Variants in MGMT observed in about 807,000 individuals in gnomAD.
The protein encoded by MGMT is methylated-DNA--protein-cysteine methyltransferase.
Under a neutral mutation model 15.9 loss-of-function variants are expected in MGMT, and 14 were observed. The observed-to-expected ratio is 0.88, with a 90% CI of 0.58 to 1.37. The LOEUF is 1.37. MGMT is among the 40% of genes most tolerant of loss of function. The pLI, the probability that MGMT is intolerant of heterozygous loss-of-function variation, is 0.00. For missense variants in MGMT, 282 were observed against 268.1 expected (o/e 1.05, Z -0.36); for synonymous variants, 130 against 118.2 (o/e 1.10, Z -0.65).
chr10:129,533,582 C>T lies in MGMT; in HGVS notation c.-12-2659C>T, dbSNP rs1269514263. Among the ~76,000 whole-genome samples the T allele has an allele frequency of 2.6e-5, 4 of 152,326 alleles. No homozygotes were observed. The South Asian group carries it at 6.2e-4, about 24-fold the overall frequency. On this transcript the variant is annotated intron_variant, in intron 1 of 4. Transcript: ENST00000651593. The surrounding 1 kb of genome is among the most constrained non-coding windows in gnomAD (Gnocchi z 4.5). ...GGCGAGAGAGCATCCAGATTTCTCA[C>T]GTTGCCTCTAGAGCCCTGTTGTCTG...
intron 3 of MGMT, among the ~76,000 whole-genome samples, chr10:129,713,910 A>G (rs1429211472): frequency 6.6e-6 from 1 of 152,156 alleles, no homozygotes; most frequent in Non-Finnish European, 1.5e-5. Context: ...CCTGACTTTC[A>G]TGGGAAGTCC....
intron 2 of MGMT, among the ~76,000 whole-genome samples, chr10:129,616,532 C>T (rs989466630): frequency 2.0e-5 from 3 of 152,162 alleles, no homozygotes; most frequent in South Asian, 2.1e-4. Context: ...CCAGGCCCCC[C>T]ATTGGCCGGC....
rs1247991551 is a variant in MGMT at position 129,546,455 on chromosome 10, G to A, written c.125+10078G>A. Among the ~76,000 whole-genome samples the A allele has an allele frequency of 2.0e-5, 3 of 152,210 alleles. No individual in the cohort carries two copies. The East Asian group carries it at 5.8e-4, about 29-fold the overall frequency. ...CAGAAGGAGGCAGTTAAGAGGCTGC[G>A]AGCCCCCTCTTGGGCATCTGACGGG... On this transcript the variant is annotated intron_variant, in intron 2 of 4. Transcript: ENST00000651593.
At chr10:129,657,411 G>C (rs549527601) in intron 2 of MGMT, among the ~76,000 whole-genome samples, 31 of 151,616 alleles carry the variant, frequency 2.0e-4, no homozygotes, top group Non-Finnish European at 3.8e-4. Context: ...GTGGGGGTGG[G>C]GGGGGGAGCA....
At chr10:129,536,163 C>T in intron 1 of MGMT, 78 bp from the exon 2 acceptor site, 2 of 1,464,782 alleles carry the variant, frequency 1.4e-6, no homozygotes, top group South Asian at 1.2e-5. Flanking sequence ...TCTTAAATAA[C>T]CAGTACTTCT....
intron 1 of MGMT, among the ~76,000 whole-genome samples, chr10:129,493,683 CTG>C (rs942718732): frequency 3.5e-4 from 54 of 152,318 alleles, no homozygotes; most frequent in African/African-American, 1.3e-3. Flanking sequence ...AGAGGGGTCA[CTG>C]TGCGCCAGGC....
chr10:129,551,971 G>A (rs1030578897), intron 2 of MGMT, among the ~76,000 whole-genome samples: 3 of 152,194 alleles, frequency 2.0e-5, no homozygotes, highest in Admixed American at 6.5e-5. Flanking sequence ...CAGGCTTGCC[G>A]GAAGTGGGGC....
intron 2 of MGMT, among the ~76,000 whole-genome samples, chr10:129,661,969 C>T (rs1340922834): frequency 6.6e-6 from 1 of 152,160 alleles, no homozygotes; most frequent in Non-Finnish European, 1.5e-5. Flanking sequence ...CTTATTCTGA[C>T]CTTTCCTGTG....
Position 129,494,848 on chromosome 10 carries a change from C to T in MGMT, c.-13+27552C>T, listed in dbSNP as rs572699244. On this transcript the variant is annotated intron_variant, in intron 1 of 4. Coordinates refer to ENST00000651593, the MANE Select transcript of MGMT (RefSeq NM_002412.5). ...TTTATTTGTTCCTTTATTTTTACCA[C>T]GACTGCTCTGAGTACCAGGAACTCC... 6.6e-5 allele frequency among the ~76,000 whole-genome samples: 10 copies of T among 152,260 alleles called. No homozygotes were observed. In the East Asian group the frequency reaches 7.7e-4, roughly 12 times the overall value.
chr10:129,563,971 T>C (rs1846310365), intron 2 of MGMT: 1 of 152,332 alleles, frequency 6.6e-6, no homozygotes, highest in South Asian at 2.1e-4. Flanking sequence ...TTTGGCCTTG[T>C]GTGTTTGGAA....
intron 2 of MGMT, among the ~76,000 whole-genome samples, chr10:129,545,549 G>A (rs1433923195): frequency 3.9e-5 from 6 of 152,192 alleles, no homozygotes; most frequent in Non-Finnish European, 8.8e-5. Context: ...AAAAAGCTGA[G>A]ATGAAACAAA....
At chr10:129,657,601 G>C (rs1413207610) in intron 2 of MGMT, among the ~76,000 whole-genome samples, 2 of 150,770 alleles carry the variant, frequency 1.3e-5, no homozygotes, top group East Asian at 4.0e-4. Flanking sequence ...TGTGGTGACT[G>C]CTGAAGAAAT....
intron 2 of MGMT, among the ~76,000 whole-genome samples, chr10:129,666,335 A>T (rs1369655405): frequency 6.6e-6 from 1 of 152,188 alleles, no homozygotes; most frequent in Admixed American, 6.5e-5. Flanking sequence ...TATGTAGATT[A>T]ATTTGGGATC....
In MGMT at chr10:129,648,220, G is replaced by C. The variant is rs537189698; in HGVS notation, c.126-59675G>C. On this transcript the variant is annotated intron_variant, in intron 2 of 4. Coordinates refer to ENST00000651593, the MANE Select transcript of MGMT (RefSeq NM_002412.5). ...GGGAAAATATTTCATCTTGCACCGC[G>C]AACTCCAGTCTGTAGAGATTTTGAC... is the stretch of plus-strand genomic sequence containing the variant. Among the ~76,000 whole-genome samples the C allele has an allele frequency of 2.0e-5, 3 of 151,980 alleles. No homozygotes were observed. The South Asian group carries it at 6.3e-4, about 32-fold the overall frequency.
intron 3 of MGMT, among the ~76,000 whole-genome samples, chr10:129,751,744 C>A (rs1478370754): frequency 6.6e-6 from 1 of 151,812 alleles, no homozygotes; most frequent in Admixed American, 6.6e-5. Flanking sequence ...TTTTAATTTT[C>A]CTTCAGACTT....
chr10:129,652,342 CTT>C (rs1256041136), intron 2 of MGMT, among the ~76,000 whole-genome samples: 1 of 152,162 alleles, frequency 6.6e-6, no homozygotes, highest in East Asian at 1.9e-4. Flanking sequence ...GGAAAAGTGT[CTT>C]TGACAGCGAG....
intron 2 of MGMT, among the ~76,000 whole-genome samples, chr10:129,554,660 T>C (rs571660729): frequency 3.9e-5 from 6 of 152,308 alleles, no homozygotes; most frequent in Non-Finnish European, 7.3e-5. Context: ...CCCCTTTCTG[T>C]ATTGCAGGTT....
intron 2 of MGMT, among the ~76,000 whole-genome samples, chr10:129,580,388 G>A (rs1846538287): frequency 6.6e-6 from 1 of 152,196 alleles, no homozygotes; most frequent in Non-Finnish European, 1.5e-5. Flanking sequence ...TAGAAACTGA[G>A]GCATGGAGAG....
intron 2 of MGMT, among the ~76,000 whole-genome samples, chr10:129,673,771 A>G (rs1047784825): frequency 3.9e-5 from 6 of 152,224 alleles, no homozygotes; most frequent in African/African-American, 1.4e-4. Context: ...ATATGAAACT[A>G]TGTTTTATGT....
Sources: gnomAD v4.1 joint callset for allele counts (sites outside exome capture counted in the v4.1 genomes callset) on GRCh38, gnomAD v4.1.1 for gene constraint, Gnocchi (gnomAD v3.1) non-coding constraint, MANE v1.5 for transcripts, NCBI Gene and HGNC (gene_info 2026-07-23, HGNC 2026-07-21) for gene names.